Variants in PIK3CB observed in about 807,000 individuals in gnomAD.
PIK3CB encodes phosphatidylinositol-4,5-bisphosphate 3-kinase catalytic subunit beta, also known as phosphatidylinositol 4,5-bisphosphate 3-kinase catalytic subunit beta isoform.
In PIK3CB, 39 loss-of-function variants were observed where a neutral mutation model predicts 136.8. The ratio of observed to expected loss-of-function variants is 0.29; its 90% CI spans 0.22 to 0.37. PIK3CB has a LOEUF of 0.37. Among genes scored for constraint, PIK3CB ranks in the 10% least tolerant of loss-of-function variants. The probability of loss-of-function intolerance (pLI) is 1.00; values close to 1 mark genes in which losing one functional copy is unlikely to be tolerated. For missense variants in PIK3CB, 868 were observed against 1,275.4 expected, an observed-to-expected ratio of 0.68 and a Z score of 4.87; for synonymous variants, 428 against 436.6, an observed-to-expected ratio of 0.98 and a Z score of 0.25.
intron 8 of PIK3CB, among the ~76,000 whole-genome samples, chr3:138,721,711 A>C (rs904968293): frequency 6.6e-6 from 1 of 152,146 alleles, no homozygotes; most frequent in Non-Finnish European, 1.5e-5. Flanking sequence ...CAGTACTAAG[A>C]CTGAATTAAT....
At chr3:138,688,500 C>CAAAAA (rs397991199) in intron 16 of PIK3CB, among the ~76,000 whole-genome samples, 21 of 83,954 alleles carry the variant, frequency 2.5e-4, no homozygotes, top group African/African-American at 9.4e-4. Context: ...GACTCTGTCA[C>CAAAAA]AAAAAAAAAA....
chr3:138,704,549 A>G, intron 11 of PIK3CB, 56 bp from the exon 12 acceptor site: 1 of 1,100,500 alleles, frequency 9.1e-7, no homozygotes, highest in Non-Finnish European at 1.4e-6. Context: ...TAGAATTTTA[A>G]GTGTAAATGA....
chr3:138,669,897 T>A (rs532991547), intron 19 of PIK3CB, among the ~76,000 whole-genome samples: 8 of 152,104 alleles, frequency 5.3e-5, no homozygotes, highest in African/African-American at 1.9e-4. Context: ...AATAGAAACA[T>A]TGGAGCACAT....
chr3:138,740,871 T>C (rs1333461101), intron 5 of PIK3CB, among the ~76,000 whole-genome samples: 4 of 152,144 alleles, frequency 2.6e-5, no homozygotes, highest in Non-Finnish European at 5.9e-5. Context: ...CTTGAACTCC[T>C]GGGTTCAAGA....
chr3:138,698,919 C>T lies in PIK3CB; in HGVS notation c.1758G>A (p.Glu586=). ...GATCTTTTGTTACCTGAGCAACATC[C>T]TCAAGTTTATTCCACTTGATTGACA... ...LLLSIKWNKL[E]DVAQLQALLQ... The change falls in exon 13 of 24, where the codon GAG becomes GAA. Residue 586 remains glutamate (E), a synonymous_variant. Transcript: ENST00000674063. 6.3e-7 allele frequency: 1 copy of T among 1,589,534 alleles called. No homozygotes were observed. Among genetic ancestry groups the T allele is most frequent in the Non-Finnish European group, 8.6e-7 (1 of 1,163,594 alleles).
chr3:138,656,314 A>C, intron 22 of PIK3CB, 40 bp from the exon 23 acceptor site: 1 of 1,609,282 alleles, frequency 6.2e-7, no homozygotes, highest in Non-Finnish European at 8.5e-7. Context: ...ACAGTGTTAG[A>C]GGGGAGAGAG....
intron 2 of PIK3CB, among the ~76,000 whole-genome samples, chr3:138,765,922 C>T (rs1483294421): frequency 5.9e-5 from 9 of 152,200 alleles, no homozygotes; most frequent in Non-Finnish European, 1.3e-4. Flanking sequence ...AGTCTATTTG[C>T]ATGTGGTTTT....
chr3:138,747,152 A>G (rs1471221111), intron 4 of PIK3CB, among the ~76,000 whole-genome samples: 1 of 128,566 alleles, frequency 7.8e-6, no homozygotes, highest in Non-Finnish European at 1.6e-5. Flanking sequence ...TAGTACCTAG[A>G]ACTCCTGGGC....
intron 1 of PIK3CB, among the ~76,000 whole-genome samples, chr3:138,818,142 C>T (rs955112429): frequency 2.0e-5 from 3 of 152,094 alleles, no homozygotes; most frequent in Non-Finnish European, 4.4e-5. Flanking sequence ...AAATAATAGT[C>T]AAGATGGAAA....
chr3:138,825,670 G>A (rs1933748959), intron 1 of PIK3CB: 1 of 647,124 alleles, frequency 1.5e-6, no homozygotes, highest in Non-Finnish European at 2.8e-6. Context: ...TCATCCAACT[G>A]ACAAACCCTT....
chr3:138,708,477 T>A (rs2044426245), intron 10 of PIK3CB, among the ~76,000 whole-genome samples: 1 of 151,846 alleles, frequency 6.6e-6, no homozygotes. Context: ...CCCAGGCTGG[T>A]CTTGAACTCC....
intron 19 of PIK3CB, among the ~76,000 whole-genome samples, chr3:138,672,104 A>G (rs1186747338): frequency 6.6e-6 from 1 of 152,188 alleles, no homozygotes; most frequent in African/African-American, 2.4e-5. Context: ...GGGGTTCTAT[A>G]AATTAACGAA....
At chr3:138,786,638 GC>G (rs906730390) in intron 2 of PIK3CB, among the ~76,000 whole-genome samples, 142 of 152,142 alleles carry the variant, frequency 9.3e-4, no homozygotes, top group Non-Finnish European at 1.8e-3. Context: ...GAGCCACCGT[GC>G]CCAGCCTGTA....
chr3:138,657,513 A>G (rs2043212482), intron 22 of PIK3CB, 177 bp downstream of exon 22: 3 of 556,666 alleles, frequency 5.4e-6, no homozygotes, highest in Non-Finnish European at 9.4e-6. Context: ...TGTTTCTCCT[A>G]TCTGGGAATT....
rs185788020 is a variant in PIK3CB at position 138,728,228 on chromosome 3, T to A, written c.1050+5133A>T. Among the ~76,000 whole-genome samples the A allele has an allele frequency of 3.3e-3, 504 of 152,332 alleles. 6 individuals are homozygous for A. Among genetic ancestry groups the A allele is most frequent in the African/African-American group, 0.01 (429 of 41,570 alleles). On this transcript the variant is annotated intron_variant, in intron 8 of 23. Coordinates refer to ENST00000674063, the MANE Select transcript of PIK3CB (RefSeq NM_006219.3). ...AATAATACCAGTCCAACTGGTATTTTCTGAACGTAAACTTGTTCAGAAAAT... is the reference window on the plus strand; with the variant it reads ...AATAATACCAGTCCAACTGGTATTTACTGAACGTAAACTTGTTCAGAAAAT...
At position 138,735,418 on chromosome 3, in the gene PIK3CB, G is replaced by C. The variant is rs115309497; in HGVS notation, c.802-614C>G. Among the ~76,000 whole-genome samples, 370 of 152,238 alleles carry C rather than the reference G, an allele frequency of 2.4e-3. 2 individuals carry two copies. Among genetic ancestry groups the C allele is most frequent in the African/African-American group, 8.4e-3 (349 of 41,554 alleles). ...TCAGAAGGGTTAAGTTGCACACCTA[G>C]TATCTGTAAAACCTAGATTTAAACC... On this transcript the variant is annotated intron_variant, in intron 6 of 23. Coordinates refer to ENST00000674063, the MANE Select transcript of PIK3CB (RefSeq NM_006219.3).
chr3:138,825,840 G>C, intron 1 of PIK3CB: 2 of 1,253,564 alleles, frequency 1.6e-6, no homozygotes, highest in Non-Finnish European at 2.3e-6. Flanking sequence ...GAAGCTTTGG[G>C]TGAAGCTCTT....
intron 2 of PIK3CB, among the ~76,000 whole-genome samples, chr3:138,791,414 C>T (rs1322059598): frequency 6.6e-5 from 10 of 152,154 alleles, no homozygotes; most frequent in African/African-American, 7.2e-5. Flanking sequence ...GGATTACAGG[C>T]GTGAGCCACT....
rs553364031 is a variant in PIK3CB, at chr3:138,691,295, C to A, written c.1893-152G>T. ...GCTTTCCTTCACTGTACCACTGTTA[C>A]AATATCACAAAAAAAGCTGAAGATT... On this transcript the variant is annotated intron_variant, in intron 14 of 23. Transcript: ENST00000674063. 4 of 633,478 alleles carry A rather than the reference C, an allele frequency of 6.3e-6. No individual in the cohort carries two copies. In the South Asian group the frequency reaches 1.0e-4, roughly 16 times the overall value. 39.2% of individuals were successfully genotyped at this position (633,478 alleles called of 1,614,324 possible).
Sources: gnomAD v4.1 joint callset for allele counts (sites outside exome capture counted in the v4.1 genomes callset) on GRCh38, gnomAD v4.1.1 for gene constraint, MANE v1.5 for transcripts, NCBI Gene and HGNC (gene_info 2026-07-23, HGNC 2026-07-21) for gene names.